Variants in RNGTT observed in about 807,000 individuals in gnomAD.
RNGTT encodes the protein mRNA-capping enzyme.
RNGTT carries 33 observed loss-of-function variants against 79.3 expected under a neutral mutation model. The ratio of observed to expected loss-of-function variants is 0.42; its 90% CI spans 0.32 to 0.56. The LOEUF (loss-of-function observed/expected upper bound fraction) is 0.56, where lower values mean the gene tolerates loss of function less well. RNGTT is among the 20% of genes least tolerant of loss of function. The pLI is 0.17. For synonymous variants in RNGTT, 222 were observed against 235.9 expected (o/e 0.94, Z 0.54); for missense variants, 497 against 739.1 (o/e 0.67, Z 3.80).
At chr6:88,645,356 A>T (rs1406916958) in intron 14 of RNGTT, among the ~76,000 whole-genome samples, 1 of 152,236 alleles carries the variant, frequency 6.6e-6, no homozygotes, top group African/African-American at 2.4e-5. Flanking sequence ...ATAAAAGAGG[A>T]TACAAACAAA....
At chr6:88,716,891 A>G (rs1467100286) in intron 13 of RNGTT, among the ~76,000 whole-genome samples, 4 of 152,164 alleles carry the variant, frequency 2.6e-5, no homozygotes, top group African/African-American at 7.2e-5. Flanking sequence ...TGGGTGCAGC[A>G]CACCAACTTG....
chr6:88,958,422 A>C (rs946242296), intron 1 of RNGTT, among the ~76,000 whole-genome samples: 9 of 152,240 alleles, frequency 5.9e-5, no homozygotes, highest in Non-Finnish European at 1.3e-4. Flanking sequence ...TAATCAGCAG[A>C]GTAAACAGAC....
rs776933061 is a variant in RNGTT at position 88,612,714 on chromosome 6, A to G, written c.*5T>C. On this transcript the variant is annotated 3_prime_UTR_variant, in exon 16 of 16. Transcript: ENST00000369485. ...TCTTCTTAACCCTCAAGTCACAGGC[A>G]GGTCTTAGGTTAAAGGGCGTGGTCT... is the stretch of plus-strand genomic sequence containing the variant. The G allele has an allele frequency of 6.2e-7, 1 of 1,600,340 alleles. No individual in the cohort carries two copies. The highest frequency in any genetic ancestry group is 8.5e-7 in the Non-Finnish European group (1 of 1,173,296).
intron 14 of RNGTT, among the ~76,000 whole-genome samples, chr6:88,668,949 G>A (rs1774523695): frequency 6.6e-6 from 1 of 152,140 alleles, no homozygotes; most frequent in African/African-American, 2.4e-5. Context: ...GTAGTTATTG[G>A]TCCTATGTCA....
intron 13 of RNGTT, among the ~76,000 whole-genome samples, chr6:88,723,760 T>G (rs1776785274): frequency 6.6e-6 from 1 of 152,224 alleles, no homozygotes; most frequent in Non-Finnish European, 1.5e-5. Flanking sequence ...AGTCTCGCTC[T>G]GTCACCCAGA....
chr6:88,814,093 A>G (rs754824738), intron 11 of RNGTT, among the ~76,000 whole-genome samples: 1 of 152,208 alleles, frequency 6.6e-6, no homozygotes, highest in Non-Finnish European at 1.5e-5. Flanking sequence ...GAGGTTTTAT[A>G]AAATGAAAAC....
At chr6:88,749,410 T>C (rs1346301871) in intron 13 of RNGTT, among the ~76,000 whole-genome samples, 2 of 151,954 alleles carry the variant, frequency 1.3e-5, no homozygotes, top group African/African-American at 2.4e-5. Context: ...CGTGCTAAAA[T>C]TTCTAGGGTA....
rs115999114 is a variant in RNGTT at position 88,682,454 on chromosome 6, T to C, written c.1440-4035A>G. Among the ~76,000 whole-genome samples the C allele has an allele frequency of 6.9e-3, 1,044 of 152,300 alleles. 11 individuals carry two copies. Among genetic ancestry groups the C allele is most frequent in the African/African-American group, 0.023 (956 of 41,578 alleles). On this transcript the variant is annotated intron_variant, in intron 13 of 15. Transcript: ENST00000369485. ...AAATAGAAAGCAAATACACTGAATA[T>C]AGGATCAGTAGTGCCATCTTCAACT... is the stretch of plus-strand genomic sequence containing the variant.
chr6:88,952,969 C>T (rs1457287783), intron 1 of RNGTT, among the ~76,000 whole-genome samples: 1 of 152,182 alleles, frequency 6.6e-6, no homozygotes, highest in Non-Finnish European at 1.5e-5. Flanking sequence ...AGAATCTGAA[C>T]AGACGCCTTG....
chr6:88,698,683 T>TA (rs1486799567), intron 13 of RNGTT, among the ~76,000 whole-genome samples: 1 of 152,154 alleles, frequency 6.6e-6, no homozygotes, highest in Non-Finnish European at 1.5e-5. Context: ...ACTTCAAATT[T>TA]AAAAGCGATT....
At chr6:88,712,808 G>A (rs778110049) in intron 13 of RNGTT, among the ~76,000 whole-genome samples, 2 of 151,926 alleles carry the variant, frequency 1.3e-5, no homozygotes, top group East Asian at 3.8e-4. Flanking sequence ...TTAATAGAGT[G>A]CAAAAAGAGA....
At chr6:88,639,570 C>T (rs1773230167) in intron 14 of RNGTT, among the ~76,000 whole-genome samples, 1 of 152,184 alleles carries the variant, frequency 6.6e-6, no homozygotes, top group Non-Finnish European at 1.5e-5. Flanking sequence ...CAGAAATTGG[C>T]TCATACTTCC....
chr6:88,618,814 G>A lies in RNGTT; in HGVS notation c.1507-4419C>T, dbSNP rs558237636. ...CAAGATTTTAAATTAGCAGCTCAAA[G>A]AAAAGTTTCACTTATTAATTTTGGC... is the stretch of plus-strand genomic sequence containing the variant. On this transcript the variant is annotated intron_variant, in intron 14 of 15. Transcript: ENST00000369485. 3.4e-4 allele frequency among the ~76,000 whole-genome samples: 52 copies of A among 152,274 alleles called. No homozygotes were observed. The South Asian group carries it at 0.011, about 31-fold the overall frequency.
At chr6:88,717,695 G>C (rs1776567059) in intron 13 of RNGTT, among the ~76,000 whole-genome samples, 1 of 152,046 alleles carries the variant, frequency 6.6e-6, no homozygotes, top group African/African-American at 2.4e-5. Context: ...GAAAAGAAAA[G>C]CCCCAAGAAA....
rs768323240 is a variant in RNGTT at position 88,891,947 on chromosome 6, A to T, written c.685-32T>A. The T allele has an allele frequency of 4.3e-6, 6 of 1,388,552 alleles. No homozygotes were observed. The South Asian group carries it at 8.1e-5, about 19-fold the overall frequency. The allele number at this position is 1,388,552 out of a possible 1,614,324, so 86.0% of individuals were successfully genotyped here. On this transcript the variant is annotated intron_variant, in intron 6 of 15. Coordinates refer to ENST00000369485, the MANE Select transcript of RNGTT (RefSeq NM_003800.5). Reference sequence around the variant, plus strand: ...AAAAAAAATAAGAAAAATAAGGGAAAGAAAAATATTTTATTAGAGTTCAAA... The same window carrying T: ...AAAAAAAATAAGAAAAATAAGGGAATGAAAAATATTTTATTAGAGTTCAAA...
chr6:88,736,498 T>G (rs1777289911), intron 13 of RNGTT, among the ~76,000 whole-genome samples: 1 of 152,202 alleles, frequency 6.6e-6, no homozygotes, highest in South Asian at 2.1e-4. Context: ...TTTGTTTAGG[T>G]GTCTCCATCA....
chr6:88,961,823 A>T (rs1169998551), intron 1 of RNGTT, among the ~76,000 whole-genome samples: 2 of 152,252 alleles, frequency 1.3e-5, no homozygotes, highest in Non-Finnish European at 2.9e-5. Context: ...AAATGAAAGT[A>T]TATGTCCACA....
chr6:88,771,313 G>GTATA (rs1250939965), intron 12 of RNGTT, among the ~76,000 whole-genome samples: 8 of 47,708 alleles, frequency 1.7e-4, no homozygotes, highest in African/African-American at 4.9e-4. Context: ...ATGTGTGTGT[G>GTATA]TGTATATATA....
At chr6:88,926,270 C>G (rs1784315332) in intron 4 of RNGTT, among the ~76,000 whole-genome samples, 1 of 152,144 alleles carries the variant, frequency 6.6e-6, no homozygotes, top group Admixed American at 6.5e-5. Flanking sequence ...GCTATCAGTT[C>G]CATTGCTTTA....
Sources: allele counts gnomAD v4.1 joint callset (sites outside exome capture counted in the v4.1 genomes callset), GRCh38; gene constraint gnomAD v4.1.1; transcripts MANE v1.5; gene names NCBI Gene and HGNC (gene_info 2026-07-23, HGNC 2026-07-21).